The following CACHD1 variants were observed in gnomAD, a reference collection of about 807,000 sequenced individuals.
CACHD1 encodes the protein VWFA and cache domain-containing protein 1.
Under a neutral mutation model 138.7 loss-of-function variants are expected in CACHD1, and 71 were observed. That is an observed-to-expected ratio of 0.51 (90% CI 0.42 to 0.62). The LOEUF is 0.62. CACHD1 is among the 20% of genes least tolerant of loss of function. The pLI is 0.00. For missense variants in CACHD1, 1,389 were observed against 1,625.3 expected (o/e 0.85, Z 2.50); for synonymous variants, 578 against 591.5 (o/e 0.98, Z 0.33).
At chr1:64,667,176 A>G (rs978976073) in intron 16 of CACHD1, among the ~76,000 whole-genome samples, 1 of 152,172 alleles carries the variant, frequency 6.6e-6, no homozygotes, top group Admixed American at 6.5e-5. Context: ...TAATCCCTTC[A>G]TTATACAAAT....
chr1:64,622,349 C>T lies in CACHD1; in HGVS notation c.518-7006C>T, dbSNP rs560002768. On this transcript the variant is annotated intron_variant, in intron 4 of 26. Transcript: ENST00000651257. Reference sequence around the variant, plus strand: ...GTGTCTGTGCGATTTTCCAGGTAAACCAGCCTGAACTACCCAGCTAATGTT... The same window carrying T: ...GTGTCTGTGCGATTTTCCAGGTAAATCAGCCTGAACTACCCAGCTAATGTT... 1.8e-4 allele frequency among the ~76,000 whole-genome samples: 28 copies of T among 152,292 alleles called. No individual in the cohort carries two copies. In the South Asian group the frequency reaches 5.4e-3, roughly 29 times the overall value.
At chr1:64,681,225 T>C in intron 24 of CACHD1, 33 bp from the exon 25 acceptor site, 2 of 1,543,908 alleles carry the variant, frequency 1.3e-6, no homozygotes, top group Non-Finnish European at 1.8e-6. Context: ...TTTGATTAAA[T>C]AGTCATGTTT....
chr1:64,687,223 T>C (rs1360621073), intron 26 of CACHD1, among the ~76,000 whole-genome samples: 1 of 152,228 alleles, frequency 6.6e-6, no homozygotes, highest in Non-Finnish European at 1.5e-5. Flanking sequence ...ACTATGTCTG[T>C]CTTAATTCAT....
At chr1:64,514,968 T>C (rs1365227235) in intron 1 of CACHD1, among the ~76,000 whole-genome samples, 1 of 152,208 alleles carries the variant, frequency 6.6e-6, no homozygotes, top group Non-Finnish European at 1.5e-5. Context: ...ATTTGCCCCC[T>C]TGGTCATAAT....
At chr1:64,674,594 G>C (rs1156694246) in intron 19 of CACHD1, among the ~76,000 whole-genome samples, 1 of 152,116 alleles carries the variant, frequency 6.6e-6, no homozygotes, top group African/African-American at 2.4e-5. Context: ...GTGTCTTCCA[G>C]ACAGTTAGAA....
intron 4 of CACHD1, among the ~76,000 whole-genome samples, chr1:64,628,544 A>C (rs1648193041): frequency 6.6e-6 from 1 of 152,138 alleles, no homozygotes; most frequent in South Asian, 2.1e-4. Context: ...GATTGCACAC[A>C]ACAAGGTGGT....
intron 16 of CACHD1, among the ~76,000 whole-genome samples, chr1:64,671,351 C>G (rs1238861183): frequency 6.6e-6 from 1 of 152,152 alleles, no homozygotes; most frequent in Non-Finnish European, 1.5e-5. Context: ...CTTATTTATA[C>G]AGTCCTACAT....
At chr1:64,630,297 A>G (rs1001703306) in intron 5 of CACHD1, among the ~76,000 whole-genome samples, 1 of 147,366 alleles carries the variant, frequency 6.8e-6, no homozygotes, top group Non-Finnish European at 1.5e-5. Context: ...TGCTTTTCCT[A>G]AGATTTTTTT....
At chr1:64,679,443 C>A in intron 23 of CACHD1, 152 bp from the exon 24 acceptor site, 1 of 824,966 alleles carries the variant, frequency 1.2e-6, no homozygotes, top group African/African-American at 1.7e-5. Context: ...CGTTCCCATG[C>A]GTCATGTTTG....
intron 2 of CACHD1, among the ~76,000 whole-genome samples, chr1:64,558,527 G>A (rs763624275): frequency 1.3e-5 from 2 of 152,098 alleles, no homozygotes; most frequent in African/African-American, 2.4e-5. Context: ...GATAAAACCA[G>A]TTTGGCTATG....
intron 1 of CACHD1, among the ~76,000 whole-genome samples, chr1:64,527,276 C>T (rs778374996): frequency 5.9e-5 from 9 of 152,166 alleles, no homozygotes; most frequent in Non-Finnish European, 1.0e-4. Flanking sequence ...TCATTCAGTG[C>T]GGCCCATGTG....
chr1:64,588,419 A>G (rs1156441884), intron 3 of CACHD1, among the ~76,000 whole-genome samples: 2 of 137,048 alleles, frequency 1.5e-5, no homozygotes, highest in Admixed American at 7.5e-5. Context: ...ACAAATCAAT[A>G]CTTTTTTTTT....
rs558813558 is a variant in CACHD1 at position 64,653,272 on chromosome 1, A to T, written c.1541-486A>T. Among the ~76,000 whole-genome samples the T allele has an allele frequency of 2.9e-3, 443 of 151,758 alleles. 4 individuals carry two copies. The highest frequency in any genetic ancestry group is 0.01 in the African/African-American group (415 of 41,376). On this transcript the variant is annotated intron_variant, in intron 10 of 26. Transcript: ENST00000651257. Reference sequence around the variant, plus strand: ...AGGGAGAGGAGCAGAAAAAATAACTATTGGGTGCTATGCTTAGTACCTGGG... The same window carrying T: ...AGGGAGAGGAGCAGAAAAAATAACTTTTGGGTGCTATGCTTAGTACCTGGG...
At chr1:64,597,319 A>T (rs1174396038) in intron 3 of CACHD1, among the ~76,000 whole-genome samples, 1 of 152,006 alleles carries the variant, frequency 6.6e-6, no homozygotes, top group Non-Finnish European at 1.5e-5. Context: ...CTGCAGCCTG[A>T]TGGGAATTAA....
At chr1:64,686,629 A>G (rs1429912782) in intron 26 of CACHD1, among the ~76,000 whole-genome samples, 4 of 152,126 alleles carry the variant, frequency 2.6e-5, no homozygotes, top group Non-Finnish European at 5.9e-5. Context: ...TAAAAATATC[A>G]TGTTCTGTCC....
chr1:64,555,525 T>G (rs1646790812), intron 2 of CACHD1, among the ~76,000 whole-genome samples: 1 of 152,272 alleles, frequency 6.6e-6, no homozygotes, highest in South Asian at 2.1e-4. Context: ...GTTCAAGGGA[T>G]TCTTCTGCCC....
intron 1 of CACHD1, among the ~76,000 whole-genome samples, chr1:64,520,201 C>T (rs1352818804): frequency 6.6e-6 from 1 of 152,230 alleles, no homozygotes; most frequent in Non-Finnish European, 1.5e-5. Flanking sequence ...ACAAGCCTAT[C>T]AAGGCTACAC....
At chr1:64,587,342 A>AT (rs978583909) in intron 3 of CACHD1, among the ~76,000 whole-genome samples, 1 of 152,198 alleles carries the variant, frequency 6.6e-6, no homozygotes, top group Non-Finnish European at 1.5e-5. Flanking sequence ...AATAGTACAT[A>AT]TTTTTTAAAA....
chr1:64,499,027 A>C (rs1269369719), intron 1 of CACHD1, among the ~76,000 whole-genome samples: 1 of 152,156 alleles, frequency 6.6e-6, no homozygotes, highest in African/African-American at 2.4e-5. Context: ...ACATTCTTGA[A>C]GTAGTGCTGA....
Sources: allele counts gnomAD v4.1 joint callset (sites outside exome capture counted in the v4.1 genomes callset), GRCh38; gene constraint gnomAD v4.1.1; transcripts MANE v1.5; gene names NCBI Gene and HGNC (gene_info 2026-07-23, HGNC 2026-07-21).